Variants in IGSF21 observed in about 807,000 individuals in gnomAD.
IGSF21 encodes the protein immunoglobulin superfamily member 21.
Under a neutral mutation model 46.8 loss-of-function variants are expected in IGSF21, and 28 were observed. The ratio of observed to expected loss-of-function variants is 0.60; its 90% CI spans 0.44 to 0.82. IGSF21 has a LOEUF of 0.82. Among genes scored for constraint, IGSF21 ranks in the 40% least tolerant of loss-of-function variants. The pLI, the probability that IGSF21 is intolerant of heterozygous loss-of-function variation, is 0.00. For synonymous variants in IGSF21, 284 were observed against 273.6 expected (o/e 1.04, Z -0.38); for missense variants, 624 against 665.5 (o/e 0.94, Z 0.69).
chr1:18,175,439 G>C (rs893671498), intron 1 of IGSF21, among the ~76,000 whole-genome samples: 1 of 152,190 alleles, frequency 6.6e-6, no homozygotes, highest in African/African-American at 2.4e-5. Context: ...AAACGAGAAA[G>C]AGCCATTTGA....
intron 2 of IGSF21, among the ~76,000 whole-genome samples, chr1:18,258,054 A>C (rs1355817600): frequency 6.6e-6 from 1 of 152,176 alleles, no homozygotes. Context: ...CCCAGGCACC[A>C]ATGTGCAGGA....
chr1:18,376,619 C>T (rs1337337992), intron 7 of IGSF21, among the ~76,000 whole-genome samples, 181 bp from the exon 8 acceptor site: 2 of 152,212 alleles, frequency 1.3e-5, no homozygotes, highest in South Asian at 2.1e-4. Flanking sequence ...GTAAACCTAG[C>T]TCTTCAACGA....
chr1:18,307,713 C>T (rs2085440917), intron 3 of IGSF21, among the ~76,000 whole-genome samples: 1 of 152,210 alleles, frequency 6.6e-6, no homozygotes, highest in Non-Finnish European at 1.5e-5. Flanking sequence ...TCGGCCTCTG[C>T]CGGGAGCTAT....
chr1:18,326,344 T>C (rs1231185350), intron 3 of IGSF21, among the ~76,000 whole-genome samples: 1 of 152,176 alleles, frequency 6.6e-6, no homozygotes, highest in Non-Finnish European at 1.5e-5. Context: ...TACTTCATGC[T>C]TGGGATCTTT....
At chr1:18,232,996 G>GC in intron 2 of IGSF21, among the ~76,000 whole-genome samples, 2 of 152,284 alleles carry the variant, frequency 1.3e-5, no homozygotes, top group Non-Finnish European at 2.9e-5. Context: ...GTTGGAGGCC[G>GC]CCTGCCCAGC....
At chr1:18,190,858 T>C (rs1043530748) in intron 1 of IGSF21, among the ~76,000 whole-genome samples, 3 of 151,994 alleles carry the variant, frequency 2.0e-5, no homozygotes, top group African/African-American at 7.3e-5. Flanking sequence ...TCTTGGCCTG[T>C]GATTGAGGGG....
At chr1:18,147,705 G>T (rs12071534) in intron 1 of IGSF21, among the ~76,000 whole-genome samples, 2 of 152,106 alleles carry the variant, frequency 1.3e-5, no homozygotes, top group African/African-American at 2.4e-5. Flanking sequence ...TACCAGGATG[G>T]TTCTAGGTTT....
chr1:18,193,113 C>T (rs1186798364), intron 1 of IGSF21, among the ~76,000 whole-genome samples: 2 of 151,856 alleles, frequency 1.3e-5, no homozygotes, highest in Non-Finnish European at 2.9e-5. Context: ...AGGGCTGTGT[C>T]CAGGGGCTTT....
chr1:18,162,236 C>T (rs2086633917), intron 1 of IGSF21, among the ~76,000 whole-genome samples: 1 of 152,070 alleles, frequency 6.6e-6, no homozygotes, highest in Non-Finnish European at 1.5e-5. Context: ...TTTGTAGAGA[C>T]AAGGTCTTGC....
intron 4 of IGSF21, among the ~76,000 whole-genome samples, chr1:18,346,953 C>T (rs139642943): frequency 2.6e-5 from 4 of 152,274 alleles, no homozygotes; most frequent in African/African-American, 9.6e-5. Flanking sequence ...AGGAAGGACA[C>T]CCATGCTGCT....
At chr1:18,360,976 G>C (rs978689421) in intron 4 of IGSF21, among the ~76,000 whole-genome samples, 1 of 151,174 alleles carries the variant, frequency 6.6e-6, no homozygotes, top group African/African-American at 2.4e-5. Context: ...GATGCCCCAC[G>C]GTGTCTGGGA....
At chr1:18,201,017 A>G (rs955439658) in intron 1 of IGSF21, among the ~76,000 whole-genome samples, 1 of 152,190 alleles carries the variant, frequency 6.6e-6, no homozygotes, top group Non-Finnish European at 1.5e-5. Context: ...ATAAGCATTT[A>G]TGGAAGCAAA....
At chr1:18,200,463 G>T (rs1431192952) in intron 1 of IGSF21, among the ~76,000 whole-genome samples, 2 of 152,234 alleles carry the variant, frequency 1.3e-5, no homozygotes, top group East Asian at 1.9e-4. Context: ...AATCCATCCT[G>T]GTGCCTTCCT....
chr1:18,366,216 T>TA (rs1430556648), intron 6 of IGSF21, among the ~76,000 whole-genome samples: 2 of 152,112 alleles, frequency 1.3e-5, no homozygotes, highest in African/African-American at 4.8e-5. Context: ...GGATTGGTGT[T>TA]AAAAACAGGG....
At chr1:18,244,623 T>C (rs916850112) in intron 2 of IGSF21, among the ~76,000 whole-genome samples, 5 of 152,210 alleles carry the variant, frequency 3.3e-5, no homozygotes, top group Non-Finnish European at 1.5e-5. Context: ...AAATAGTTAT[T>C]GAGAGCCCTC....
chr1:18,172,902 C>A (rs11260944), intron 1 of IGSF21, among the ~76,000 whole-genome samples: 2 of 151,582 alleles, frequency 1.3e-5, no homozygotes, highest in Admixed American at 6.5e-5. Flanking sequence ...AGTCAAGCAT[C>A]CCCTCTGGTG....
intron 2 of IGSF21, among the ~76,000 whole-genome samples, chr1:18,252,779 A>G (rs190784860): frequency 6.6e-6 from 1 of 152,164 alleles, no homozygotes; most frequent in Non-Finnish European, 1.5e-5. Context: ...TACAAAGATC[A>G]TGGGTTCCAG....
chr1:18,372,701 G>A (rs1467017028), intron 6 of IGSF21, among the ~76,000 whole-genome samples: 6 of 151,246 alleles, frequency 4.0e-5, no homozygotes, highest in Middle Eastern at 3.4e-3. Flanking sequence ...TGTTTAGATG[G>A]GTGGATGGAG....
intron 4 of IGSF21, among the ~76,000 whole-genome samples, chr1:18,345,881 G>A (rs778345290): frequency 5.9e-5 from 9 of 152,192 alleles, no homozygotes; most frequent in Non-Finnish European, 1.0e-4. Flanking sequence ...CCTGCCAAGC[G>A]CAGGGACCCA....
Sources: gnomAD v4.1 joint callset for allele counts (sites outside exome capture counted in the v4.1 genomes callset) on GRCh38, gnomAD v4.1.1 for gene constraint, MANE v1.5 for transcripts, NCBI Gene and HGNC (gene_info 2026-07-23, HGNC 2026-07-21) for gene names.